The following CDH19 variants were observed in gnomAD, a reference collection of about 807,000 sequenced individuals.
CDH19 encodes the protein cadherin-19.
CDH19 carries 67 observed loss-of-function variants against 64.2 expected under a neutral mutation model. That is an observed-to-expected ratio of 1.04 (90% CI 0.86 to 1.28). The LOEUF (loss-of-function observed/expected upper bound fraction) is 1.28, where lower values mean the gene tolerates loss of function less well. Among genes scored for constraint, CDH19 ranks in the 50% most tolerant of loss-of-function variants. CDH19 has a pLI of 0.00. For missense variants in CDH19, 1,030 were observed against 929.0 expected (o/e 1.11, Z -1.41); for synonymous variants, 346 against 319.3 (o/e 1.08, Z -0.89).
chr18:66,575,503 C>G (rs1988239387), intron 1 of CDH19, among the ~76,000 whole-genome samples: 1 of 151,852 alleles, frequency 6.6e-6, no homozygotes, highest in African/African-American at 2.4e-5. Flanking sequence ...TGCATCAAAT[C>G]TGGTGTGACA....
At chr18:66,560,839 A>G (rs753032507) in intron 3 of CDH19, among the ~76,000 whole-genome samples, 23 of 152,186 alleles carry the variant, frequency 1.5e-4, no homozygotes, top group Admixed American at 5.2e-4. Flanking sequence ...TTTTATTATG[A>G]TAGCATTAAT....
chr18:66,575,018 A>G (rs1424922588), intron 1 of CDH19, among the ~76,000 whole-genome samples: 1 of 151,850 alleles, frequency 6.6e-6, no homozygotes, highest in Non-Finnish European at 1.5e-5. Flanking sequence ...TCCAAAGAAC[A>G]TGTAAAAAAA....
At chr18:66,579,356 C>A (rs1454409133) in intron 1 of CDH19, among the ~76,000 whole-genome samples, 2 of 151,856 alleles carry the variant, frequency 1.3e-5, no homozygotes, top group African/African-American at 4.8e-5. Flanking sequence ...ACAAATTAAA[C>A]AGGAAACAAA....
At chr18:66,535,793 T>C (rs1486979907) in intron 7 of CDH19, among the ~76,000 whole-genome samples, 1 of 145,686 alleles carries the variant, frequency 6.9e-6, no homozygotes, top group African/African-American at 2.5e-5. Flanking sequence ...ATATGTTTTA[T>C]GCATATATAT....
chr18:66,550,015 G>T (rs1987281808), intron 5 of CDH19, among the ~76,000 whole-genome samples: 1 of 152,052 alleles, frequency 6.6e-6, no homozygotes, highest in Non-Finnish European at 1.5e-5. Flanking sequence ...GGAAAAAAAA[G>T]TAATCAAAAG....
intron 3 of CDH19, among the ~76,000 whole-genome samples, chr18:66,559,314 G>T (rs1385692965): frequency 6.6e-6 from 1 of 151,892 alleles, no homozygotes; most frequent in Non-Finnish European, 1.5e-5. Context: ...GAAACTTTCT[G>T]AATCTGATAA....
chr18:66,523,851 T>G (rs1411929911), intron 9 of CDH19, among the ~76,000 whole-genome samples: 4 of 135,190 alleles, frequency 3.0e-5, no homozygotes, highest in African/African-American at 1.1e-4. Context: ...TCCACAGCCC[T>G]CTACTGACAA....
chr18:66,586,959 T>C lies in CDH19; in HGVS notation c.-112-14643A>G, dbSNP rs75048016. Among the ~76,000 whole-genome samples the C allele has an allele frequency of 4.4e-3, 670 of 152,228 alleles. 4 individuals carry two copies. The highest frequency in any genetic ancestry group is 0.014 in the African/African-American group (597 of 41,564). On this transcript the variant is annotated intron_variant, in intron 1 of 11. Coordinates refer to ENST00000262150, the MANE Select transcript of CDH19 (RefSeq NM_021153.4). ...TAACATTTTAATTTTATTAGTTAGT[T>C]ACAATATGATTTTAGTCTTAAAAGA...
intron 5 of CDH19, among the ~76,000 whole-genome samples, chr18:66,549,086 A>C (rs1987246699): frequency 6.6e-6 from 1 of 152,132 alleles, no homozygotes; most frequent in African/African-American, 2.4e-5. Flanking sequence ...AAGAGTAAGG[A>C]GGCCAGAATC....
intron 1 of CDH19, among the ~76,000 whole-genome samples, chr18:66,587,355 A>G (rs990571577): frequency 2.0e-5 from 3 of 152,144 alleles, no homozygotes; most frequent in African/African-American, 7.2e-5. Flanking sequence ...TGCGATTGCT[A>G]TCATGATATT....
intron 8 of CDH19, chr18:66,532,707 T>C (rs1392007767): frequency 2.2e-6 from 1 of 451,598 alleles, no homozygotes; most frequent in East Asian, 7.0e-5. Flanking sequence ...ACAGCATCCC[T>C]ATATCCTAGA....
chr18:66,596,754 T>C (rs1163811135), intron 1 of CDH19, among the ~76,000 whole-genome samples: 5 of 152,014 alleles, frequency 3.3e-5, no homozygotes, highest in Admixed American at 3.3e-4. Flanking sequence ...GCTATTTTTA[T>C]CAAACTACCA....
chr18:66,568,819 A>G, intron 2 of CDH19, 109 bp from the exon 3 acceptor site: 1 of 878,780 alleles, frequency 1.1e-6, no homozygotes, highest in Non-Finnish European at 1.7e-6. Flanking sequence ...TAATGATTTT[A>G]TATTATTTCC....
At chr18:66,518,060 T>A (rs7238973) in intron 9 of CDH19, among the ~76,000 whole-genome samples, 66,516 of 151,666 alleles carry the variant, frequency 0.44, 15,300 homozygotes, top group African/African-American at 0.57. Flanking sequence ...GAAGGCATTG[T>A]TTTCTTATTA....
intron 1 of CDH19, among the ~76,000 whole-genome samples, chr18:66,596,784 T>TA (rs1214926442): frequency 2.2e-4 from 34 of 151,388 alleles, no homozygotes; most frequent in Admixed American, 1.2e-3. Flanking sequence ...ATCACAAAAT[T>TA]AAAAAAAATC....
At chr18:66,599,910 C>A (rs1476465369) in intron 1 of CDH19, among the ~76,000 whole-genome samples, 1 of 151,576 alleles carries the variant, frequency 6.6e-6, no homozygotes, top group Non-Finnish European at 1.5e-5. Context: ...AGTATACGTC[C>A]AAGGGTTGTA....
intron 3 of CDH19, among the ~76,000 whole-genome samples, chr18:66,560,940 A>C (rs1987698589): frequency 6.6e-6 from 1 of 152,128 alleles, no homozygotes; most frequent in Admixed American, 6.6e-5. Flanking sequence ...AAAGACAAAT[A>C]ATATATATGA....
chr18:66,531,113 GA>G (rs777628707), intron 8 of CDH19, among the ~76,000 whole-genome samples: 14 of 152,190 alleles, frequency 9.2e-5, no homozygotes, highest in Non-Finnish European at 1.9e-4. Flanking sequence ...AATGGATAAT[GA>G]AATTTAAACT....
In CDH19 at chr18:66,540,294, C is replaced by G. The variant is rs531038995; in HGVS notation, c.1214+3677G>C. On this transcript the variant is annotated intron_variant, in intron 7 of 11. Coordinates refer to ENST00000262150, the MANE Select transcript of CDH19 (RefSeq NM_021153.4). ...ACAGGAAATAATACACCATCTTTCT[C>G]ATACTTACAAAATATTTCAAAGTTT... Among the ~76,000 whole-genome samples, 23 of 152,166 alleles carry G rather than the reference C, an allele frequency of 1.5e-4. 1 individual carries two copies. In the South Asian group the frequency reaches 4.6e-3, roughly 30 times the overall value.
Sources: gnomAD v4.1 joint callset for allele counts (sites outside exome capture counted in the v4.1 genomes callset) on GRCh38, gnomAD v4.1.1 for gene constraint, MANE v1.5 for transcripts, NCBI Gene and HGNC (gene_info 2026-07-23, HGNC 2026-07-21) for gene names.